Variants in MAPRE2 observed in about 807,000 individuals in gnomAD.
MAPRE2 encodes microtubule-associated protein RP/EB family member 2.
A neutral mutation model predicts 43.2 loss-of-function variants in MAPRE2; 13 were observed. That is an observed-to-expected ratio of 0.30 (90% CI 0.20 to 0.48). The LOEUF is 0.48. MAPRE2 is among the 20% of genes least tolerant of loss of function. The pLI is 0.99. For missense variants in MAPRE2, 161 were observed against 400.2 expected (o/e 0.40, Z 5.10); for synonymous variants, 135 against 148.8 (o/e 0.91, Z 0.68).
chr18:35,113,258 A>T (rs1909262006), intron 4 of MAPRE2, among the ~76,000 whole-genome samples: 1 of 152,234 alleles, frequency 6.6e-6, no homozygotes, highest in African/African-American at 2.4e-5. Flanking sequence ...GCAGAAAATT[A>T]TGAAGAATTC....
chr18:34,982,782 C>G (rs2097017088), intron 1 of MAPRE2, among the ~76,000 whole-genome samples: 1 of 152,160 alleles, frequency 6.6e-6, no homozygotes, highest in African/African-American at 2.4e-5. Flanking sequence ...ACTCACGACT[C>G]CATCTGTTTC....
intron 1 of MAPRE2, among the ~76,000 whole-genome samples, chr18:34,994,435 A>T (rs953861647): frequency 1.3e-5 from 2 of 151,578 alleles, no homozygotes; most frequent in African/African-American, 4.8e-5. Flanking sequence ...CCAACCTTAG[A>T]GAAATGATGG....
intron 4 of MAPRE2, among the ~76,000 whole-genome samples, chr18:35,126,260 G>A (rs1385094226): frequency 1.3e-5 from 2 of 152,186 alleles, no homozygotes; most frequent in African/African-American, 4.8e-5. Context: ...TGTCCCAAGT[G>A]TGACTAGTTG....
At chr18:35,037,829 A>G (rs1220648479), upstream of MAPRE2, among the ~76,000 whole-genome samples, 4 of 152,218 alleles carry the variant, frequency 2.6e-5, no homozygotes, top group Non-Finnish European at 4.4e-5. Flanking sequence ...CGATCTCTAT[A>G]TATCTTTCCT....
intron 2 of MAPRE2, among the ~76,000 whole-genome samples, chr18:35,009,833 C>A (rs908188250): frequency 2.0e-5 from 3 of 152,184 alleles, no homozygotes; most frequent in African/African-American, 7.2e-5. Context: ...TCTCATTTTA[C>A]AGATGAACAT....
chr18:35,135,527 T>C (rs2144256592), intron 6 of MAPRE2, among the ~76,000 whole-genome samples: 1 of 152,252 alleles, frequency 6.6e-6, no homozygotes, highest in East Asian at 1.9e-4. Context: ...AGTCCTACAC[T>C]GGGGGAGTGA....
chr18:35,043,692 T>C (rs1905477473), intron 1 of MAPRE2, among the ~76,000 whole-genome samples: 2 of 152,228 alleles, frequency 1.3e-5, no homozygotes, highest in African/African-American at 4.8e-5. Flanking sequence ...GTATTTGATA[T>C]AATAGGATTA....
chr18:35,011,571 T>C (rs764968993), intron 2 of MAPRE2, among the ~76,000 whole-genome samples: 7 of 152,130 alleles, frequency 4.6e-5, no homozygotes, highest in Non-Finnish European at 8.8e-5. Flanking sequence ...AAACTACCTG[T>C]TTTATATCTT....
At chr18:35,111,404 A>G (rs1312337688) in intron 4 of MAPRE2, among the ~76,000 whole-genome samples, 1 of 152,184 alleles carries the variant, frequency 6.6e-6, no homozygotes, top group African/African-American at 2.4e-5. Flanking sequence ...CATTCTGGCC[A>G]TCTCACAATT....
chr18:35,041,408 G>C, upstream of MAPRE2: 1 of 1,537,462 alleles, frequency 6.5e-7, no homozygotes, highest in Non-Finnish European at 8.7e-7. Flanking sequence ...GCGAGCGAGA[G>C]CTGGGAGAAG....
At chr18:34,992,539 C>G (rs1163348901) in intron 1 of MAPRE2, among the ~76,000 whole-genome samples, 1 of 152,174 alleles carries the variant, frequency 6.6e-6, no homozygotes, top group African/African-American at 2.4e-5. Context: ...CTTTACCCAT[C>G]CACTCTCCAC....
At chr18:35,039,617 A>T (rs1023660015), upstream of MAPRE2, among the ~76,000 whole-genome samples, 3 of 152,208 alleles carry the variant, frequency 2.0e-5, no homozygotes, top group Non-Finnish European at 4.4e-5. Context: ...CTTGTTTGAG[A>T]TTATCCTTAC....
chr18:35,096,842 ATACT>A (rs1908449117), intron 2 of MAPRE2, among the ~76,000 whole-genome samples: 2 of 152,112 alleles, frequency 1.3e-5, no homozygotes, highest in African/African-American at 4.8e-5. Context: ...ATACTTAGTA[ATACT>A]TAATACTTAA....
At chr18:35,086,074 G>A (rs1035689379) in intron 2 of MAPRE2, among the ~76,000 whole-genome samples, 1 of 152,114 alleles carries the variant, frequency 6.6e-6, no homozygotes, top group Non-Finnish European at 1.5e-5. Context: ...AAAGTGAAAA[G>A]TTGTAACTAA....
At chr18:35,063,077 T>G (rs1056189658) in intron 1 of MAPRE2, among the ~76,000 whole-genome samples, 2 of 152,074 alleles carry the variant, frequency 1.3e-5, no homozygotes, top group African/African-American at 4.8e-5. Flanking sequence ...TACATTGGCA[T>G]GCGGTGGGTT....
intron 1 of MAPRE2, chr18:34,978,203 C>CTTCTCT (rs943905520): frequency 2.3e-6 from 1 of 441,174 alleles, no homozygotes; most frequent in African/African-American, 2.0e-5. Flanking sequence ...CACTTGTTCA[C>CTTCTCT]ATCTCCTTTT....
intron 1 of MAPRE2, among the ~76,000 whole-genome samples, chr18:34,995,588 T>TA (rs2150576392): frequency 6.6e-6 from 1 of 152,180 alleles, no homozygotes; most frequent in East Asian, 1.9e-4. Context: ...GAACTCTGGG[T>TA]GAGTATGTTA....
chr18:35,040,523 G>A (rs2150597446), upstream of MAPRE2, among the ~76,000 whole-genome samples: 1 of 152,290 alleles, frequency 6.6e-6, no homozygotes, highest in Non-Finnish European at 1.5e-5. Context: ...TTTAAAATGG[G>A]AATAATAATA....
At chr18:35,029,026 A>G (rs2097046579) in intron 2 of MAPRE2, among the ~76,000 whole-genome samples, 1 of 152,228 alleles carries the variant, frequency 6.6e-6, no homozygotes, top group Admixed American at 6.5e-5. Context: ...CATGTGCTAC[A>G]CTATGCAGTT....
Sources: gnomAD v4.1 joint callset for allele counts (sites outside exome capture counted in the v4.1 genomes callset) on GRCh38, gnomAD v4.1.1 for gene constraint, MANE v1.5 for transcripts, NCBI Gene and HGNC (gene_info 2026-07-23, HGNC 2026-07-21) for gene names.